CCDC172: variants seen among roughly 807,000 people sequenced by gnomAD.
CCDC172 encodes coiled-coil domain-containing protein 172.
In CCDC172, 30 loss-of-function variants were observed where a neutral mutation model predicts 38.0. The observed-to-expected ratio is 0.79, with a 90% CI of 0.59 to 1.07. The LOEUF is 1.07. Ranked by LOEUF, CCDC172 falls within the 50% of genes least tolerant of loss-of-function variation. The probability of loss-of-function intolerance (pLI) is 0.00; values close to 1 mark genes in which losing one functional copy is unlikely to be tolerated. For synonymous variants in CCDC172, 78 were observed against 88.3 expected (o/e 0.88, Z 0.66); for missense variants, 297 against 290.1 (o/e 1.02, Z -0.17).
chr10:116,332,376 C>T (rs1429853171), intron 3 of CCDC172, among the ~76,000 whole-genome samples: 1 of 152,064 alleles, frequency 6.6e-6, no homozygotes, highest in African/African-American at 2.4e-5. Context: ...TCTTCAATGC[C>T]TCACGTTGTC....
chr10:116,340,044 A>G (rs1844773619), intron 3 of CCDC172, among the ~76,000 whole-genome samples: 1 of 151,986 alleles, frequency 6.6e-6, no homozygotes, highest in Non-Finnish European at 1.5e-5. Context: ...CATCATTTTT[A>G]GCTTTCATAT....
intron 3 of CCDC172, among the ~76,000 whole-genome samples, chr10:116,326,023 A>G (rs1466130799): frequency 6.6e-6 from 1 of 152,206 alleles, no homozygotes; most frequent in African/African-American, 2.4e-5. Context: ...TGTGCAGTGC[A>G]TATTGGGAAA....
chr10:116,369,675 A>G (rs1244237494), intron 7 of CCDC172, among the ~76,000 whole-genome samples: 3 of 152,062 alleles, frequency 2.0e-5, no homozygotes, highest in African/African-American at 7.2e-5. Context: ...ATGCTGCAAT[A>G]AATAATCTTG....
At chr10:116,357,327 G>C in intron 5 of CCDC172, 53 bp from the exon 6 acceptor site, 1 of 1,205,760 alleles carries the variant, frequency 8.3e-7, no homozygotes, top group Non-Finnish European at 1.2e-6. Context: ...TACTTCCGGG[G>C]TTAAATTTAT....
rs965460223 is a variant in CCDC172 at position 116,336,309 on chromosome 10, GTAA to G, written c.166-4415_166-4413del. Reference sequence around the variant, plus strand: ...TATATATATTACATATGATACATACGTAATAATAATAAGGCCACTGTGGCTGGA... The same window carrying G: ...TATATATATTACATATGATACATACGTAATAATAAGGCCACTGTGGCTGGA... On this transcript the variant is annotated intron_variant, in intron 3 of 8. Transcript: ENST00000333254. Among the ~76,000 whole-genome samples the G allele has an allele frequency of 3.4e-5, 5 of 148,542 alleles. No individual in the cohort carries two copies. The East Asian group carries it at 5.9e-4, about 17-fold the overall frequency.
chr10:116,366,736 G>A (rs975434746), intron 7 of CCDC172, among the ~76,000 whole-genome samples: 5 of 152,152 alleles, frequency 3.3e-5, no homozygotes, highest in Non-Finnish European at 5.9e-5. Flanking sequence ...ACAAGATGAC[G>A]ACAGACTATT....
intron 7 of CCDC172, among the ~76,000 whole-genome samples, chr10:116,360,270 T>G (rs190939668): frequency 6.6e-6 from 1 of 152,238 alleles, no homozygotes; most frequent in East Asian, 1.9e-4. Flanking sequence ...ATCAGAGTCT[T>G]AAGAGGCAGT....
chr10:116,367,946 CTT>C (rs1329974093), intron 7 of CCDC172, among the ~76,000 whole-genome samples: 2 of 152,034 alleles, frequency 1.3e-5, no homozygotes, highest in Non-Finnish European at 2.9e-5. Flanking sequence ...TAAATTGACA[CTT>C]TTTCTGAGGT....
chr10:116,370,190 C>T (rs538235831), intron 7 of CCDC172, among the ~76,000 whole-genome samples: 1 of 151,828 alleles, frequency 6.6e-6, no homozygotes, highest in Admixed American at 6.6e-5. Flanking sequence ...GCTACACAAC[C>T]TTTTAAACGT....
chr10:116,325,623 C>T (rs1471586970), intron 3 of CCDC172, among the ~76,000 whole-genome samples: 1 of 152,048 alleles, frequency 6.6e-6, no homozygotes, highest in African/African-American at 2.4e-5. Flanking sequence ...ATTCATTGTC[C>T]ATTTTGTGGG....
intron 7 of CCDC172, among the ~76,000 whole-genome samples, chr10:116,376,227 C>A (rs903143479): frequency 3.3e-5 from 5 of 152,130 alleles, no homozygotes; most frequent in African/African-American, 9.7e-5. Flanking sequence ...CATCTGCTGG[C>A]ATCCAGGAAA....
Position 116,344,277 on chromosome 10 carries a change from T to C in CCDC172, c.448+2076T>C, listed in dbSNP as rs146731239. Reference sequence around the variant, plus strand: ...AGTCAGTATCATCGTGTGAACATCATAGATTGTACTTACACAAACCTGGAT... The same window carrying C: ...AGTCAGTATCATCGTGTGAACATCACAGATTGTACTTACACAAACCTGGAT... On this transcript the variant is annotated intron_variant, in intron 5 of 8. Coordinates refer to ENST00000333254, the MANE Select transcript of CCDC172 (RefSeq NM_198515.3). Among the ~76,000 whole-genome samples the C allele has an allele frequency of 9.8e-5, 15 of 152,318 alleles. No individual in the cohort carries two copies. In the East Asian group the frequency reaches 2.9e-3, roughly 29 times the overall value.
At chr10:116,371,564 CA>C (rs1457514666) in intron 7 of CCDC172, among the ~76,000 whole-genome samples, 8 of 151,984 alleles carry the variant, frequency 5.3e-5, no homozygotes, top group African/African-American at 1.9e-4. Flanking sequence ...AAAAGAAATT[CA>C]CTGTTTTCCT....
chr10:116,366,249 A>G (rs1166998283), intron 7 of CCDC172, among the ~76,000 whole-genome samples: 3 of 152,314 alleles, frequency 2.0e-5, no homozygotes, highest in Admixed American at 1.3e-4. Flanking sequence ...AACTTGCATT[A>G]GCTATGGCTT....
chr10:116,375,632 A>G (rs1196228266), intron 7 of CCDC172, among the ~76,000 whole-genome samples: 1 of 152,120 alleles, frequency 6.6e-6, no homozygotes, highest in East Asian at 1.9e-4. Flanking sequence ...AACTCATCCC[A>G]TCTGACAAAG....
chr10:116,325,351 A>T lies in CCDC172; in HGVS notation c.128A>T (p.Glu43Val). ...CGTGAAAAAATTAAGAAAGCAACGG[A>T]GGAGCTGAATGAAGAGAAAATCAAG... is the stretch of plus-strand genomic sequence containing the variant. ...RCREKIKKAT[E>V]ELNEEKIKLE... Residue 43 changes from glutamate to valine, a missense_variant, in exon 3 of 9, where the codon GAG becomes GTG. Coordinates refer to ENST00000333254, the MANE Select transcript of CCDC172 (RefSeq NM_198515.3). 1 of 1,614,014 alleles carries T rather than the reference A, an allele frequency of 6.2e-7. No individual in the cohort carries two copies. The highest frequency in any genetic ancestry group is 8.5e-7 in the Non-Finnish European group (1 of 1,179,906).
At chr10:116,363,671 T>A (rs1845089587) in intron 7 of CCDC172, among the ~76,000 whole-genome samples, 1 of 152,092 alleles carries the variant, frequency 6.6e-6, no homozygotes, top group Admixed American at 6.6e-5. Context: ...GCGCAGTGAG[T>A]CACGTCTATA....
chr10:116,330,408 A>T (rs1465387498), intron 3 of CCDC172, among the ~76,000 whole-genome samples: 2 of 152,210 alleles, frequency 1.3e-5, no homozygotes, highest in Non-Finnish European at 2.9e-5. Context: ...GAGGATCTGC[A>T]TAATTCAGGG....
At chr10:116,340,572 G>A (rs1414944815) in intron 3 of CCDC172, among the ~76,000 whole-genome samples, 162 bp from the exon 4 acceptor site, 1 of 151,786 alleles carries the variant, frequency 6.6e-6, no homozygotes, top group Non-Finnish European at 1.5e-5. Context: ...AATAATACAA[G>A]ATAGTGTATA....
Sources: allele counts gnomAD v4.1 joint callset (sites outside exome capture counted in the v4.1 genomes callset), GRCh38; gene constraint gnomAD v4.1.1; transcripts MANE v1.5; gene names NCBI Gene and HGNC (gene_info 2026-07-23, HGNC 2026-07-21).